The following ABCA3 variants were observed in gnomAD, a reference collection of about 807,000 sequenced individuals.
The protein encoded by ABCA3 is phospholipid-transporting ATPase ABCA3.
In ABCA3, 88 loss-of-function variants were observed where a neutral mutation model predicts 172.8. That is an observed-to-expected ratio of 0.51 (90% CI 0.43 to 0.61). The LOEUF (loss-of-function observed/expected upper bound fraction) is 0.61, where lower values mean the gene tolerates loss of function less well. Among genes scored for constraint, ABCA3 ranks in the 20% least tolerant of loss-of-function variants. The pLI is 0.00. For missense variants in ABCA3, 2,164 were observed against 2,301.0 expected, an observed-to-expected ratio of 0.94 and a Z score of 1.22; for synonymous variants, 1,066 against 983.8, an observed-to-expected ratio of 1.08 and a Z score of -1.56.
At chr16:2,302,611 C>T (rs1402010016) in intron 12 of ABCA3, among the ~76,000 whole-genome samples, 1 of 151,896 alleles carries the variant, frequency 6.6e-6, no homozygotes, top group Admixed American at 6.6e-5. Context: ...TCTCAAGTAG[C>T]TGGGACCACA....
intron 7 of ABCA3, among the ~76,000 whole-genome samples, chr16:2,322,014 G>C (rs989103875): frequency 6.6e-6 from 1 of 151,904 alleles, no homozygotes; most frequent in Non-Finnish European, 1.5e-5. Flanking sequence ...CCTGGCCAAC[G>C]TGGTGAAACC....
Position 2,276,691 on chromosome 16 carries a change from C to T in ABCA3, c.5098G>A (p.Ala1700Thr), listed in dbSNP as rs745625493. 1.5e-5 allele frequency: 24 copies of T among 1,613,472 alleles called. No individual in the cohort carries two copies. The highest frequency in any genetic ancestry group is 6.7e-5 in the East Asian group (3 of 44,886). Residue 1700 changes from alanine to threonine, a missense_variant, in exon 33 of 33, where the codon GCA (alanine) becomes ACA (threonine). This residue lies in a region of ABCA3 where 795 missense variants were observed against 881.9 expected (regional missense o/e 0.90). Coordinates refer to ENST00000301732, the MANE Select transcript of ABCA3 (RefSeq NM_001089.3). Reference sequence around the variant, plus strand: ...GCCACCCCTCATCGCCCCTCCTCTGCGGTGGGCGGCTGCAGGTGGGCGAAG... The same window carrying T: ...GCCACCCCTCATCGCCCCTCCTCTGTGGTGGGCGGCTGCAGGTGGGCGAAG... Reference protein sequence around the residue: ...LSFAHLQPPTAEEGR With the variant: ...LSFAHLQPPTTEEGR
intron 10 of ABCA3, among the ~76,000 whole-genome samples, chr16:2,311,223 C>T (rs1016681122): frequency 5.3e-5 from 8 of 151,670 alleles, no homozygotes; most frequent in Non-Finnish European, 7.4e-5. Context: ...CCGCCTGCCT[C>T]GGCCTCCCAA....
At position 2,281,137 on chromosome 16, in the gene ABCA3, A is replaced by G; in HGVS notation, c.4249T>C (p.Phe1417Leu). ...QKGECFGLLGFNGAGKTTTFK... is the reference protein window; with the variant it reads ...QKGECFGLLGLNGAGKTTTFK... ...GTCGTGGTCTTCCCGGCTCCATTGAAGCCCAGCAGGCCGAAGCACTCCCCT... is the reference window on the plus strand; with the variant it reads ...GTCGTGGTCTTCCCGGCTCCATTGAGGCCCAGCAGGCCGAAGCACTCCCCT... Residue 1417 changes from phenylalanine (F) to leucine (L), a missense_variant, in exon 28 of 33, where the codon TTC becomes CTC. Around this residue, in one of 3 missense-constraint regions of ABCA3, gnomAD observed 795 missense variants for 881.9 expected, o/e 0.90. Coordinates refer to ENST00000301732, the MANE Select transcript of ABCA3 (RefSeq NM_001089.3). This position sits in a 1 kb window ranked among gnomAD's most constrained non-coding sequence, Gnocchi z 4.7. 1.4e-5 allele frequency: 22 copies of G among 1,613,872 alleles called. No homozygotes were observed. Among genetic ancestry groups the G allele is most frequent in the Non-Finnish European group, 1.7e-5 (20 of 1,180,024 alleles).
rs143095423 is a variant in ABCA3, at chr16:2,284,575, G to A, written c.3704-138C>T. 9.4e-5 allele frequency: 130 copies of A among 1,378,866 alleles called. No individual in the cohort carries two copies. Among genetic ancestry groups the A allele is most frequent in the East Asian group, 7.1e-4 (30 of 42,536 alleles). 85.4% of individuals were successfully genotyped at this position (1,378,866 alleles called of 1,614,324 possible). A position where few individuals can be genotyped will look rare whatever the true frequency, so the allele number is the denominator to read the frequency against. On this transcript the variant is annotated intron_variant, in intron 24 of 32. Transcript: ENST00000301732. The surrounding 1 kb of genome is among the most constrained non-coding windows in gnomAD (Gnocchi z 5.9). ...GGCACCTCCCAGGGACGCCCCTGCC[G>A]GCTCTGCACAGGGCAAGGACGCCGC...
At position 2,340,677 on chromosome 16, in the gene ABCA3, T is replaced by C. The variant is rs2141757347; in HGVS notation, c.-643A>G. On this transcript the variant is annotated 5_prime_UTR_variant, in exon 1 of 33. Coordinates refer to ENST00000301732, the MANE Select transcript of ABCA3 (RefSeq NM_001089.3). ...TCCAGCCTCGCAGTGGCGGCGGCAC[T>C]GACAGCTGCGTGGCCGCCCTGGAGG... 1 of 150,244 alleles carries C rather than the reference T, an allele frequency of 6.7e-6. No individual in the cohort carries two copies. Among genetic ancestry groups the C allele is most frequent in the East Asian group, 1.9e-4 (1 of 5,142 alleles). The allele number at this position is 150,244 out of a possible 1,614,324, so 9.3% of individuals were successfully genotyped here.
At position 2,276,007 on chromosome 16, in the gene ABCA3, T is replaced by C. The variant is rs2093645736; in HGVS notation, c.*667A>G. 3.7e-6 allele frequency: 1 copy of C among 268,048 alleles called. No individual in the cohort carries two copies. 16.6% of individuals were successfully genotyped at this position (268,048 alleles called of 1,614,324 possible). ...GGGCGACTTCCTGAGGGTGCAGTGC[T>C]GGAAACAGAGACTGCTTCGAGCCTG... On this transcript the variant is annotated 3_prime_UTR_variant, in exon 33 of 33. Transcript: ENST00000301732.
At chr16:2,334,822 T>C (rs1466360077) in intron 1 of ABCA3, among the ~76,000 whole-genome samples, 2 of 148,668 alleles carry the variant, frequency 1.3e-5, no homozygotes, top group Non-Finnish European at 3.0e-5. Context: ...CAGACTTAAA[T>C]ATTAGTTCTT....
At chr16:2,309,032 G>A (rs1222166969) in intron 10 of ABCA3, among the ~76,000 whole-genome samples, 1 of 152,038 alleles carries the variant, frequency 6.6e-6, no homozygotes, top group Admixed American at 6.6e-5. Context: ...TGCAAGCTCC[G>A]CCTCCTGGGT....
intron 12 of ABCA3, 34 bp downstream of exon 12, chr16:2,303,935 G>A (rs765686303): frequency 1.2e-6 from 2 of 1,612,468 alleles, no homozygotes; most frequent in Non-Finnish European, 1.7e-6. Flanking sequence ...CACTCAGAGA[G>A]GCGGCGGCTC....
intron 10 of ABCA3, among the ~76,000 whole-genome samples, chr16:2,313,098 T>C (rs902042753): frequency 5.3e-5 from 8 of 152,002 alleles, no homozygotes; most frequent in African/African-American, 9.7e-5. Context: ...TGTTTGTTTG[T>C]TTGCTTGCTG....
In ABCA3 at chr16:2,278,368, G is replaced by T. The variant is rs2093649858; in HGVS notation, c.4638C>A (p.Asp1546Glu). 1.2e-6 allele frequency: 2 copies of T among 1,612,414 alleles called. No homozygotes were observed. The highest frequency in any genetic ancestry group is 1.7e-6 in the Non-Finnish European group (2 of 1,180,024). The change falls in exon 30 of 33, where the codon GAC becomes GAA. Residue 1546 changes from aspartate to glutamate, a missense_variant. Asp to Glu is a conservative substitution (Grantham distance 45). This residue lies in a region of ABCA3 where 795 missense variants were observed against 881.9 expected (regional missense o/e 0.90). Coordinates refer to ENST00000301732, the MANE Select transcript of ABCA3 (RefSeq NM_001089.3). The surrounding 1 kb of genome is among the most constrained non-coding windows in gnomAD (Gnocchi z 4.4). ...IFLDEPSTGM[D>E]PVARRLLWDT... ...CCCAAAGCAGGCGCCGGGCCACGGG[G>T]TCCATGCCAGTGGACGGCTCGTCCA... is the stretch of plus-strand genomic sequence containing the variant.
chr16:2,297,972 A>AC lies in ABCA3; in HGVS notation c.1897-52dup. On this transcript the variant is annotated intron_variant, in intron 15 of 32. Coordinates refer to ENST00000301732, the MANE Select transcript of ABCA3 (RefSeq NM_001089.3). The surrounding 1 kb of genome is among the most constrained non-coding windows in gnomAD (Gnocchi z 5.6). ...ATGCAGGGCTCCTGGCGGGAGGCCG[A>AC]CCCTGGCCAGCGAGGTTCTGGTGAG... 1 of 1,608,668 alleles carries AC rather than the reference A, an allele frequency of 6.2e-7. No individual in the cohort carries two copies. Among genetic ancestry groups the AC allele is most frequent in the East Asian group, 2.2e-5 (1 of 44,668 alleles).
At chr16:2,335,908 A>G (rs2093750972) in intron 1 of ABCA3, among the ~76,000 whole-genome samples, 1 of 152,222 alleles carries the variant, frequency 6.6e-6, no homozygotes, top group South Asian at 2.1e-4. Context: ...TTAGTATTTC[A>G]AAGAGTCAGA....
In ABCA3 at chr16:2,326,236, C is replaced by T; in HGVS notation, c.93G>A (p.Leu31=). ...KVLVTVLELF[L]PLLFSGILIW... Reference sequence around the variant, plus strand: ...TGAGGATCCCAGAAAACAGCAATGGCAGGAAGAGTTCCAGGACCGTCACCA... The same window carrying T: ...TGAGGATCCCAGAAAACAGCAATGGTAGGAAGAGTTCCAGGACCGTCACCA... The change falls in exon 5 of 33, where the codon CTG becomes CTA. Residue 31 remains leucine (L), a synonymous_variant. Coordinates refer to ENST00000301732, the MANE Select transcript of ABCA3 (RefSeq NM_001089.3). The T allele has an allele frequency of 6.2e-7, 1 of 1,613,850 alleles. No homozygotes were observed.
In ABCA3 at chr16:2,278,059, A is replaced by G; in HGVS notation, c.4729T>C (p.Cys1577Arg). Residue 1577 changes from cysteine (C) to arginine (R), a missense_variant, in exon 31 of 33, where the codon TGT becomes CGT. By Grantham distance (180) the Cys-to-Arg change is radical. Coordinates refer to ENST00000301732, the MANE Select transcript of ABCA3 (RefSeq NM_001089.3). The surrounding 1 kb of genome is among the most constrained non-coding windows in gnomAD (Gnocchi z 4.4). ...IIITSHSMEE[C>R]EALCTRLAIM... The stretch of plus-strand genomic sequence containing the variant: ...GCCAGCCGGGTGCACAGGGCCTCAC[A>G]CTCCTCCATGCTGTGGAGAGGGCGG... 2.5e-6 allele frequency: 4 copies of G among 1,613,070 alleles called. No individual in the cohort carries two copies. The highest frequency in any genetic ancestry group is 2.5e-6 in the Non-Finnish European group (3 of 1,179,916).
chr16:2,329,226 TTAA>T (rs1407143032), intron 2 of ABCA3, among the ~76,000 whole-genome samples: 3 of 152,166 alleles, frequency 2.0e-5, no homozygotes, highest in Non-Finnish European at 4.4e-5. Context: ...TCTTTTAAAA[TTAA>T]TAAGGTAGAA....
chr16:2,325,543 CCTCA>C (rs2093732870), intron 5 of ABCA3, among the ~76,000 whole-genome samples: 2 of 152,266 alleles, frequency 1.3e-5, no homozygotes, highest in African/African-American at 4.8e-5. Context: ...CAAGCAAAAA[CCTCA>C]CTTTCTTTTT....
At chr16:2,340,184 G>C (rs546729489) in intron 1 of ABCA3, among the ~76,000 whole-genome samples, 1 of 152,320 alleles carries the variant, frequency 6.6e-6, no homozygotes, top group African/African-American at 2.4e-5. Flanking sequence ...TGCATCCCTC[G>C]GGGCCGGGGC....
Sources: allele counts gnomAD v4.1 joint callset (sites outside exome capture counted in the v4.1 genomes callset), GRCh38; gene constraint gnomAD v4.1.1; regional missense constraint gnomAD v4.1.1; non-coding constraint Gnocchi (gnomAD v3.1); transcripts MANE v1.5; gene names NCBI Gene and HGNC (gene_info 2026-07-23, HGNC 2026-07-21).